The following ZNF846 variants were observed in gnomAD, a reference collection of about 807,000 sequenced individuals.
ZNF846 encodes zinc finger protein 420 pseudogene.
ZNF846 carries 15 observed loss-of-function variants against 16.0 expected under a neutral mutation model. That is an observed-to-expected ratio of 0.94 (90% CI 0.63 to 1.45). The LOEUF is 1.45. Ranked by LOEUF, ZNF846 falls within the 40% of genes most tolerant of loss-of-function variation. The pLI is 0.00. For synonymous variants in ZNF846, 229 were observed against 212.0 expected (o/e 1.08, Z -0.70); for missense variants, 714 against 622.3 (o/e 1.15, Z -1.57).
chr19:9,762,450 C>T, intron 3 of ZNF846: 1 of 268,990 alleles, frequency 3.7e-6, no homozygotes, highest in South Asian at 4.9e-5. Flanking sequence ...CCAGCCTGGC[C>T]AACGTGGTGA....
At chr19:9,766,169 C>T (rs1047558925) in intron 1 of ZNF846, among the ~76,000 whole-genome samples, 1 of 151,986 alleles carries the variant, frequency 6.6e-6, no homozygotes, top group African/African-American at 2.4e-5. Flanking sequence ...CCTGTAATCC[C>T]GGCACTTTGG....
downstream of ZNF846, among the ~76,000 whole-genome samples, chr19:9,757,187 T>G (rs1218326292): frequency 6.7e-6 from 1 of 149,250 alleles, no homozygotes; most frequent in Admixed American, 6.6e-5. Flanking sequence ...AGAGAGAGAC[T>G]CTGTCTCAAA....
At chr19:9,769,250 A>C (rs1014304990), upstream of ZNF846, among the ~76,000 whole-genome samples, 2 of 151,864 alleles carry the variant, frequency 1.3e-5, no homozygotes, top group African/African-American at 4.8e-5. Flanking sequence ...CGCCCAGCTA[A>C]GTTATCTTTT....
At chr19:9,757,569 G>C in exon 6 of ZNF846, 1 of 1,612,988 alleles carries the variant, frequency 6.2e-7, no homozygotes, top group Middle Eastern at 1.7e-4. Flanking sequence ...ATATGGTTTT[G>C]CTCCAGTGTG....
chr19:9,758,862 A>G, intron 5 of ZNF846, 98 bp from the exon 6 acceptor site: 1 of 1,014,010 alleles, frequency 9.9e-7, no homozygotes. Flanking sequence ...AAATATATTT[A>G]AACATTTTAA....
At chr19:9,770,113 TG>T (rs1427150780), upstream of ZNF846, among the ~76,000 whole-genome samples, 1 of 152,214 alleles carries the variant, frequency 6.6e-6, no homozygotes. Context: ...CTGTTTAAAG[TG>T]TACAGTTTCG....
At chr19:9,765,615 G>C (rs902864961) in intron 1 of ZNF846, among the ~76,000 whole-genome samples, 8 of 152,160 alleles carry the variant, frequency 5.3e-5, no homozygotes. Context: ...AGAGTTTGCA[G>C]TGAGCCGAGA....
upstream of ZNF846, chr19:9,768,709 G>A (rs971006539): frequency 6.6e-6 from 1 of 152,360 alleles, no homozygotes; most frequent in Non-Finnish European, 1.5e-5. Context: ...AACCCAGCTA[G>A]GAAGCTGCTG....
chr19:9,775,109 G>A, intron 1 of ZNF846: 1 of 676,284 alleles, frequency 1.5e-6, no homozygotes, highest in African/African-American at 1.8e-5. Context: ...AGTTTTCTTA[G>A]TGAAAAATGG....
chr19:9,780,462 T>C (rs2045491628), intron 1 of ZNF846, among the ~76,000 whole-genome samples: 1 of 152,162 alleles, frequency 6.6e-6, no homozygotes, highest in Non-Finnish European at 1.5e-5. Flanking sequence ...AGTGATTTTT[T>C]TTTTTAAGAT....
chr19:9,762,032 C>A (rs2045239110), intron 4 of ZNF846, 50 bp downstream of exon 4: 1 of 1,471,192 alleles, frequency 6.8e-7, no homozygotes, highest in Admixed American at 1.7e-5. Flanking sequence ...CTGCATGTCT[C>A]CTAGGGTGGC....
At position 9,784,208 on chromosome 19, in the gene ZNF846, G is replaced by A. The variant is rs545244543; in HGVS notation, c.-86+1730C>T. Among the ~76,000 whole-genome samples, 16 of 152,256 alleles carry A rather than the reference G, an allele frequency of 1.1e-4. No individual in the cohort carries two copies. In the South Asian group the frequency reaches 1.5e-3, roughly 14 times the overall value. On this transcript the variant is annotated intron_variant, in intron 1 of 4. Coordinates refer to the ZNF846 transcript ENST00000586814. ...TGCTCAGCAAGTGAGGATCTGCACC[G>A]GCACTGGTCTCTGAGTTCCCTCAGT...
intron 1 of ZNF846, among the ~76,000 whole-genome samples, chr19:9,780,917 A>T (rs2045495404): frequency 6.6e-6 from 1 of 152,206 alleles, no homozygotes; most frequent in South Asian, 2.1e-4. Flanking sequence ...GATACCCATG[A>T]CACATCCCCA....
chr19:9,750,251 T>G (rs978133259), downstream of ZNF846, among the ~76,000 whole-genome samples: 2 of 152,170 alleles, frequency 1.3e-5, no homozygotes, highest in Admixed American at 1.3e-4. Flanking sequence ...GCCCTGCTCA[T>G]TTGACTCTCC....
upstream of ZNF846, among the ~76,000 whole-genome samples, chr19:9,769,885 G>A (rs539368074): frequency 3.8e-4 from 58 of 151,896 alleles, no homozygotes; most frequent in African/African-American, 1.3e-3. Flanking sequence ...AGAGGCTGAG[G>A]CAGGAGAATT....
chr19:9,763,667 C>T (rs927348703), intron 2 of ZNF846, among the ~76,000 whole-genome samples: 2 of 152,208 alleles, frequency 1.3e-5, no homozygotes, highest in African/African-American at 4.8e-5. Flanking sequence ...TTTATAGGTG[C>T]AGTCTGCACT....
At chr19:9,780,650 T>C (rs2045493305) in intron 1 of ZNF846, among the ~76,000 whole-genome samples, 1 of 152,054 alleles carries the variant, frequency 6.6e-6, no homozygotes, top group Non-Finnish European at 1.5e-5. Flanking sequence ...GGTTTCACCA[T>C]GTTGGCTAGG....
chr19:9,750,014 C>CA, downstream of ZNF846, among the ~76,000 whole-genome samples: 1 of 152,210 alleles, frequency 6.6e-6, no homozygotes, highest in African/African-American at 2.4e-5. Context: ...ATGCTTCTCC[C>CA]AAAAACAGCC....
At chr19:9,757,370 T>A (rs2045147876), downstream of ZNF846, 2 of 920,062 alleles carry the variant, frequency 2.2e-6, no homozygotes, top group Non-Finnish European at 3.3e-6. Context: ...TTCATTCCTA[T>A]TATATAAGAT....
Sources: gnomAD v4.1 joint callset for allele counts (sites outside exome capture counted in the v4.1 genomes callset) on GRCh38, gnomAD v4.1.1 for gene constraint, MANE v1.5 for transcripts, NCBI Gene and HGNC (gene_info 2026-07-23, HGNC 2026-07-21) for gene names.